The following DENND4B variants were observed in gnomAD, a reference collection of about 807,000 sequenced individuals.
DENND4B encodes the protein DENN domain containing 4B, also known as DENN domain-containing protein 4B.
DENND4B carries 67 observed loss-of-function variants against 161.0 expected under a neutral mutation model. The ratio of observed to expected loss-of-function variants is 0.42; its 90% CI spans 0.34 to 0.51. The LOEUF (loss-of-function observed/expected upper bound fraction) is 0.51. DENND4B is among the 20% of genes least tolerant of loss of function. The pLI, the probability that DENND4B is intolerant of heterozygous loss-of-function variation, is 0.08. For synonymous variants in DENND4B, 753 were observed against 813.8 expected, an observed-to-expected ratio of 0.93 and a Z score of 1.27; for missense variants, 1,481 against 1,968.0, an observed-to-expected ratio of 0.75 and a Z score of 4.68.
rs1239085327 is a variant in DENND4B, at chr1:153,934,181, G to C, written c.2895C>G (p.Gly965=). The C allele has an allele frequency of 6.2e-7, 1 of 1,601,286 alleles. No individual in the cohort carries two copies. Among genetic ancestry groups the C allele is most frequent in the Non-Finnish European group, 8.5e-7 (1 of 1,176,116 alleles). The change falls in exon 19 of 28, where the codon GGC becomes GGG. Residue 965 remains glycine (G), a synonymous_variant. Transcript: ENST00000361217. This position sits in a 1 kb window ranked among gnomAD's most constrained non-coding sequence, Gnocchi z 5.3. ...PGRLVKSGSL[G]SARGAQPTVE... ...CAGTGGGCTGTGCCCCTCGGGCACT[G>C]CCCAGGCTACCACTCTTCACCAGGC...
At position 153,940,549 on chromosome 1, in the gene DENND4B, C is replaced by A; in HGVS notation, c.1384G>T (p.Ala462Ser). 6.2e-7 allele frequency: 1 copy of A among 1,613,534 alleles called. No homozygotes were observed. Among genetic ancestry groups the A allele is most frequent in the African/African-American group, 1.3e-5 (1 of 75,034 alleles). Reference protein sequence around the residue: ...PYIPLCPLVLADVLSAPVPFI... With the variant: ...PYIPLCPLVLSDVLSAPVPFI... ...GGCACTGGGGCACTCAGCACATCTG[C>A]CAGCACCAGCGGGCACAGAGGAATG... The change falls in exon 10 of 28, where the codon GCA becomes TCA. Residue 462 changes from alanine to serine, a missense_variant. Transcript: ENST00000361217. This position sits in a 1 kb window ranked among gnomAD's most constrained non-coding sequence, Gnocchi z 5.6.
intron 24 of DENND4B, among the ~76,000 whole-genome samples, chr1:153,931,448 G>A (rs1406010722): frequency 6.6e-6 from 1 of 151,974 alleles, no homozygotes; most frequent in Non-Finnish European, 1.5e-5. Flanking sequence ...AAAGTGAAAC[G>A]GCAAGGATCC....
rs757998470 is a variant in DENND4B at position 153,944,314 on chromosome 1, T to C, written c.61A>G (p.Asn21Asp). The change falls in exon 2 of 28, where the codon AAC (asparagine) becomes GAC (aspartate). Residue 21 changes from asparagine (N) to aspartate (D), a missense_variant. Asn to Asp is a conservative substitution (Grantham distance 23). Coordinates refer to ENST00000361217, the MANE Select transcript of DENND4B (RefSeq NM_014856.3). This position sits in a 1 kb window ranked among gnomAD's most constrained non-coding sequence, Gnocchi z 4.8. ...GTTTCCTCAGGGATGGGTGCTCCGT[T>C]CCCTGCAAGCCCAGCTACCACGAAG... is the stretch of plus-strand genomic sequence containing the variant. ...DYFVVAGLAG[N>D]GAPIPEETWV... The C allele has an allele frequency of 3.9e-5, 63 of 1,607,984 alleles. No individual in the cohort carries two copies. The highest frequency in any genetic ancestry group is 5.3e-5 in the Non-Finnish European group (62 of 1,177,216).
Position 153,934,085 on chromosome 1 carries a change from G to A in DENND4B, c.2941+50C>T. The stretch of plus-strand genomic sequence containing the variant: ...GGTCTTCCCCACCTCACTAGCAAGT[G>A]GTTAGGAAAGCTGACTGGGGGAGTG... On this transcript the variant is annotated intron_variant, in intron 19 of 27. Transcript: ENST00000361217. This position sits in a 1 kb window ranked among gnomAD's most constrained non-coding sequence, Gnocchi z 5.3. The A allele has an allele frequency of 6.7e-7, 1 of 1,500,144 alleles. No individual in the cohort carries two copies. The highest frequency in any genetic ancestry group is 8.9e-7 in the Non-Finnish European group (1 of 1,129,458). 92.9% of individuals were successfully genotyped at this position (1,500,144 alleles called of 1,614,324 possible).
chr1:153,946,105 G>A lies in DENND4B; in HGVS notation c.-24+196C>T, dbSNP rs1175432444. Among the ~76,000 whole-genome samples, 2 of 152,182 alleles carry A rather than the reference G, an allele frequency of 1.3e-5. No homozygotes were observed. The highest frequency in any genetic ancestry group is 4.8e-5 in the African/African-American group (2 of 41,456). The stretch of plus-strand genomic sequence containing the variant: ...CCGGCACCCACGGGAGCAGAAGGGG[G>A]TGCAGGAGGCCGGGCACGGCGAGCT... On this transcript the variant is annotated intron_variant, in intron 1 of 27. Coordinates refer to ENST00000361217, the MANE Select transcript of DENND4B (RefSeq NM_014856.3). The surrounding 1 kb of genome is among the most constrained non-coding windows in gnomAD (Gnocchi z 6.3).
At position 153,939,473 on chromosome 1, in the gene DENND4B, T is replaced by C. The variant is rs1679544961; in HGVS notation, c.1819+116A>G. 3 of 1,170,466 alleles carry C rather than the reference T, an allele frequency of 2.6e-6. No homozygotes were observed. In the East Asian group the frequency reaches 7.1e-5, roughly 28 times the overall value. 72.5% of individuals were successfully genotyped at this position (1,170,466 alleles called of 1,614,324 possible). A position where few individuals can be genotyped will look rare whatever the true frequency, so the allele number is the denominator to read the frequency against. On this transcript the variant is annotated intron_variant, in intron 12 of 27. Transcript: ENST00000361217. ...GCGGGTGCCCATAAAAACATTTGCC[T>C]AGTGAAGGAATAAACAATGGAGTGG...
At position 153,940,252 on chromosome 1, in the gene DENND4B, C is replaced by T. The variant is rs780657570; in HGVS notation, c.1507G>A (p.Glu503Lys). The change falls in exon 11 of 28, where the codon GAG (glutamate) becomes AAG (lysine). Residue 503 changes from glutamate to lysine, a missense_variant. Coordinates refer to ENST00000361217, the MANE Select transcript of DENND4B (RefSeq NM_014856.3). This position sits in a 1 kb window ranked among gnomAD's most constrained non-coding sequence, Gnocchi z 5.6. ...CGAGGGGAGAGGAGCTTCTTTTCCT[C>T]AGTCCTGTGAGAAAAGCATAAGGGG... ...DLDTNTLFQT[E>K]EKKLLSPRTL... 6.3e-7 allele frequency: 1 copy of T among 1,595,618 alleles called. No individual in the cohort carries two copies. The highest frequency in any genetic ancestry group is 8.5e-7 in the Non-Finnish European group (1 of 1,171,904).
rs1490693504 is a variant in DENND4B at position 153,939,785 on chromosome 1, C to T, written c.1623G>A (p.Glu541=). The T allele has an allele frequency of 1.2e-6, 2 of 1,613,840 alleles. No individual in the cohort carries two copies. The highest frequency in any genetic ancestry group is 4.5e-5 in the East Asian group (2 of 44,864). The change falls in exon 12 of 28, where the codon GAG becomes GAA. Residue 541 remains glutamate (E), a synonymous_variant. Coordinates refer to ENST00000361217, the MANE Select transcript of DENND4B (RefSeq NM_014856.3). The part of the protein sequence containing the change: ...QLDQTYTGPE[E]EASLEFLLTD... ...TCAGTAGGAACTCCAGGGATGCTTCCTCCTCAGGTCCAGTGTATGCTGGAG... is the reference window on the plus strand; with the variant it reads ...TCAGTAGGAACTCCAGGGATGCTTCTTCCTCAGGTCCAGTGTATGCTGGAG...
intron 17 of DENND4B, 151 bp downstream of exon 17, chr1:153,935,909 G>C: frequency 1.1e-6 from 1 of 938,926 alleles, no homozygotes; most frequent in Admixed American, 2.7e-5. Flanking sequence ...AGGTGCTAAG[G>C]CACCACAGGA....
intron 11 of DENND4B, 93 bp from the exon 12 acceptor site, chr1:153,939,897 GGCAGACCTT>G (rs1256922419): frequency 1.6e-6 from 2 of 1,283,496 alleles, no homozygotes; most frequent in African/African-American, 2.9e-5. Context: ...TCCAGCCTCT[GGCAGACCTT>G]GCACCAGTAG....
At chr1:153,938,169 G>A (rs997805075) in intron 13 of DENND4B, among the ~76,000 whole-genome samples, 4 of 152,212 alleles carry the variant, frequency 2.6e-5, no homozygotes, top group African/African-American at 9.7e-5. Flanking sequence ...AGCACTTTGG[G>A]AGGCCGAGGT....
Position 153,946,500 on chromosome 1 carries a change from G to A in DENND4B, c.-223C>T. On this transcript the variant is annotated 5_prime_UTR_variant, in exon 1 of 28. Transcript: ENST00000361217. The surrounding 1 kb of genome is among the most constrained non-coding windows in gnomAD (Gnocchi z 6.3). The stretch of plus-strand genomic sequence containing the variant: ...GGGCGCAGTGGAAGGAGATCCGGGC[G>A]GTCCCCGCGTCCCCGCCGCGCTGCG... The A allele has an allele frequency of 2.6e-6, 1 of 389,858 alleles. No individual in the cohort carries two copies. Among genetic ancestry groups the A allele is most frequent in the East Asian group, 3.7e-5 (1 of 27,396 alleles). 24.1% of individuals were successfully genotyped at this position (389,858 alleles called of 1,614,324 possible). A position where few individuals can be genotyped will look rare whatever the true frequency, so the allele number is the denominator to read the frequency against.
chr1:153,941,203 C>A (rs1485733341), intron 8 of DENND4B, 28 bp downstream of exon 8: 3 of 1,612,654 alleles, frequency 1.9e-6, no homozygotes, highest in Non-Finnish European at 2.5e-6. Context: ...GTCATTAAAG[C>A]TCCCCTCCCC....
rs1194624204 is a variant in DENND4B, at chr1:153,932,912, G to C, written c.3572C>G (p.Ala1191Gly). 7 of 1,613,940 alleles carry C rather than the reference G, an allele frequency of 4.3e-6. No individual in the cohort carries two copies. In the African/African-American group the frequency reaches 9.3e-5, roughly 22 times the overall value. Residue 1191 changes from alanine (A) to glycine (G), a missense_variant, in exon 22 of 28, where the codon GCC becomes GGC. By Grantham distance (60) the Ala-to-Gly change is moderately conservative (BLOSUM62 0). This residue lies in a region of DENND4B where 336 missense variants were observed against 503.3 expected (regional missense o/e 0.67). Coordinates refer to ENST00000361217, the MANE Select transcript of DENND4B (RefSeq NM_014856.3). The surrounding 1 kb of genome is among the most constrained non-coding windows in gnomAD (Gnocchi z 5.8). Reference sequence around the variant, plus strand: ...ACTGAGCAGGGGCACAAAGGGGCAGGCGCAGAAGGGGCAGGTTGTGTTGAG... The same window carrying C: ...ACTGAGCAGGGGCACAAAGGGGCAGCCGCAGAAGGGGCAGGTTGTGTTGAG... Reference protein sequence around the residue: ...SNLNTTCPFCACPFVPLLSVQ... With the variant: ...SNLNTTCPFCGCPFVPLLSVQ...
rs1413036423 is a variant in DENND4B at position 153,941,389 on chromosome 1, G to A, written c.1107C>T (p.Pro369=). 1.2e-6 allele frequency: 2 copies of A among 1,613,444 alleles called. No individual in the cohort carries two copies. Among genetic ancestry groups the A allele is most frequent in the African/African-American group, 2.7e-5 (2 of 74,874 alleles). Residue 369 remains proline (P), a synonymous_variant, in exon 7 of 28, where the codon CCC becomes CCT. Transcript: ENST00000361217. ...CAGCTCTCACCTGCACTAGGATGCG[G>A]GGTCTCTGTGGGGAAGGGAAGGGAA... is the stretch of plus-strand genomic sequence containing the variant. ...HNVPFPSPQR[P]RILVQMSPYD...
At position 153,944,465 on chromosome 1, in the gene DENND4B, C is replaced by T. The variant is rs564734857; in HGVS notation, c.-23-68G>A. The T allele has an allele frequency of 9.1e-6, 13 of 1,428,392 alleles. No individual in the cohort carries two copies. The East Asian group carries it at 2.5e-4, about 28-fold the overall frequency. The allele number at this position is 1,428,392 out of a possible 1,614,324, so 88.5% of individuals were successfully genotyped here. Reference sequence around the variant, plus strand: ...GGGATGCCATGGCAACCAGGGTACCCTCTTGCTCCCCTCCTCTTCCTAGTC... The same window carrying T: ...GGGATGCCATGGCAACCAGGGTACCTTCTTGCTCCCCTCCTCTTCCTAGTC... On this transcript the variant is annotated intron_variant, in intron 1 of 27. Coordinates refer to ENST00000361217, the MANE Select transcript of DENND4B (RefSeq NM_014856.3). The surrounding 1 kb of genome is among the most constrained non-coding windows in gnomAD (Gnocchi z 4.8).
rs1679020579 is a variant in DENND4B, at chr1:153,932,574, C to G, written c.3759+68G>C. The stretch of plus-strand genomic sequence containing the variant: ...GGGCAAGAGATGTGCCCATCTCTCC[C>G]TGGCACCCCACAGGCCCCACACAGG... On this transcript the variant is annotated intron_variant, in intron 23 of 27. Transcript: ENST00000361217. This position sits in a 1 kb window ranked among gnomAD's most constrained non-coding sequence, Gnocchi z 5.8. The G allele has an allele frequency of 2.5e-6, 4 of 1,574,762 alleles. No homozygotes were observed. Among genetic ancestry groups the G allele is most frequent in the Non-Finnish European group, 3.5e-6 (4 of 1,158,424 alleles).
chr1:153,942,916 T>C lies in DENND4B; in HGVS notation c.532A>G (p.Thr178Ala). The C allele has an allele frequency of 1.1e-5, 17 of 1,609,166 alleles. No individual in the cohort carries two copies. The highest frequency in any genetic ancestry group is 1.3e-5 in the Non-Finnish European group (15 of 1,176,272). ...AGGTTGCGGGGCAGCCGGCAGTAAG[T>C]ATGAGGAGTGCCCTCGCCCTTACTG... Reference protein sequence around the residue: ...LPSKGEGTPHTYCRLPRNLNP... With the variant: ...LPSKGEGTPHAYCRLPRNLNP... The change falls in exon 3 of 28, where the codon ACT becomes GCT. Residue 178 changes from threonine (T) to alanine (A), a missense_variant. This residue lies in a region of DENND4B where 806 missense variants were observed against 1,134.4 expected (regional missense o/e 0.71). Transcript: ENST00000361217. The surrounding 1 kb of genome is among the most constrained non-coding windows in gnomAD (Gnocchi z 6.9).
In DENND4B at chr1:153,936,298, C is replaced by T; in HGVS notation, c.2440-110G>A. 3 of 1,463,446 alleles carry T rather than the reference C, an allele frequency of 2.0e-6. No homozygotes were observed. Among genetic ancestry groups the T allele is most frequent in the South Asian group, 1.4e-5 (1 of 73,318 alleles). 90.7% of individuals were successfully genotyped at this position (1,463,446 alleles called of 1,614,324 possible). On this transcript the variant is annotated intron_variant, in intron 16 of 27. Coordinates refer to ENST00000361217, the MANE Select transcript of DENND4B (RefSeq NM_014856.3). This position sits in a 1 kb window ranked among gnomAD's most constrained non-coding sequence, Gnocchi z 4.1. ...CAATTCTCACAGACATCACTGGCCC[C>T]TGGCAGGTCCTGGGGCTACCTCAGA... is the stretch of plus-strand genomic sequence containing the variant.
Sources: gnomAD v4.1 joint callset for allele counts (sites outside exome capture counted in the v4.1 genomes callset) on GRCh38, gnomAD v4.1.1 for gene constraint, gnomAD v4.1.1 regional missense constraint, Gnocchi (gnomAD v3.1) non-coding constraint, MANE v1.5 for transcripts, NCBI Gene and HGNC (gene_info 2026-07-23, HGNC 2026-07-21) for gene names.